ZNF385D: variants seen among roughly 807,000 people sequenced by gnomAD.
ZNF385D encodes zinc finger protein 659.
Under a neutral mutation model 35.8 loss-of-function variants are expected in ZNF385D, and 15 were observed. The observed-to-expected ratio is 0.42, with a 90% CI of 0.28 to 0.64. The LOEUF (loss-of-function observed/expected upper bound fraction) is 0.64. Among genes scored for constraint, ZNF385D ranks in the 30% least tolerant of loss-of-function variants. ZNF385D has a pLI of 0.23. For missense variants in ZNF385D, 474 were observed against 494.6 expected, an observed-to-expected ratio of 0.96 and a Z score of 0.39; for synonymous variants, 212 against 186.8, an observed-to-expected ratio of 1.13 and a Z score of -1.10.
At chr3:21,805,847 T>G (rs952139161) in intron 3 of ZNF385D, among the ~76,000 whole-genome samples, 2 of 152,188 alleles carry the variant, frequency 1.3e-5, no homozygotes, top group Non-Finnish European at 2.9e-5. Context: ...TGGGATCTCA[T>G]AGAAAATGAA....
At chr3:21,757,389 C>T (rs12630540) in intron 3 of ZNF385D, among the ~76,000 whole-genome samples, 26,453 of 151,972 alleles carry the variant, frequency 0.17, 2,810 homozygotes, top group Non-Finnish European at 0.23. Flanking sequence ...GTGATCTGAC[C>T]ACCTTGGCCT....
intron 3 of ZNF385D, among the ~76,000 whole-genome samples, chr3:22,125,702 T>C (rs556206607): frequency 4.6e-5 from 7 of 152,236 alleles, no homozygotes; most frequent in East Asian, 3.9e-4. Flanking sequence ...TGAAATTATA[T>C]TCTTGATTTA....
chr3:22,285,445 A>T (rs1289787954), intron 2 of ZNF385D, among the ~76,000 whole-genome samples: 7 of 152,096 alleles, frequency 4.6e-5, no homozygotes, highest in Admixed American at 4.6e-4. Flanking sequence ...TGTTTTATTG[A>T]CAGGATTTTT....
chr3:21,740,078 GT>G (rs1259838307), intron 1 of ZNF385D, among the ~76,000 whole-genome samples: 1 of 152,160 alleles, frequency 6.6e-6, no homozygotes, highest in Non-Finnish European at 1.5e-5. Context: ...GAAACTTTCT[GT>G]TTTGACACGG....
At chr3:22,307,822 T>A (rs1325465469) in intron 2 of ZNF385D, among the ~76,000 whole-genome samples, 1 of 151,776 alleles carries the variant, frequency 6.6e-6, no homozygotes, top group South Asian at 2.1e-4. Context: ...ATAAGACATA[T>A]GAAGCAACAA....
At chr3:22,230,769 G>T (rs948325852) in intron 2 of ZNF385D, among the ~76,000 whole-genome samples, 1 of 152,140 alleles carries the variant, frequency 6.6e-6, no homozygotes, top group African/African-American at 2.4e-5. Context: ...AGAGGAGTTT[G>T]TTAAGCTGAC....
At chr3:21,546,161 T>C (rs968526359) in intron 3 of ZNF385D, among the ~76,000 whole-genome samples, 18 of 152,232 alleles carry the variant, frequency 1.2e-4, no homozygotes, top group Admixed American at 1.1e-3. Context: ...TTGAAACTCA[T>C]TAGTTGTTTT....
At chr3:21,840,802 T>G (rs925129612) in intron 3 of ZNF385D, among the ~76,000 whole-genome samples, 3 of 148,368 alleles carry the variant, frequency 2.0e-5, no homozygotes, top group Non-Finnish European at 2.9e-5. Flanking sequence ...ATTACCCCCT[T>G]ATGTCAATCA....
chr3:21,574,331 A>T (rs557755364), intron 2 of ZNF385D, among the ~76,000 whole-genome samples: 2 of 152,176 alleles, frequency 1.3e-5, no homozygotes, highest in East Asian at 3.9e-4. Flanking sequence ...TCCTAACTGA[A>T]AAAACTACAA....
intron 3 of ZNF385D, among the ~76,000 whole-genome samples, chr3:21,512,019 C>CA (rs1707251073): frequency 6.6e-6 from 1 of 151,192 alleles, no homozygotes; most frequent in African/African-American, 2.4e-5. Context: ...TGGTGGCACA[C>CA]ACCTATAGTC....
intron 3 of ZNF385D, among the ~76,000 whole-genome samples, chr3:21,784,295 T>A (rs1161615479): frequency 6.6e-6 from 1 of 152,198 alleles, no homozygotes; most frequent in African/African-American, 2.4e-5. Context: ...CAGCTCTCAA[T>A]GTGGGCCACT....
At chr3:22,337,444 G>A (rs976740582) in intron 2 of ZNF385D, among the ~76,000 whole-genome samples, 1 of 152,184 alleles carries the variant, frequency 6.6e-6, no homozygotes, top group East Asian at 1.9e-4. Context: ...AGAGGAGGGA[G>A]AATCACCTGA....
chr3:21,817,386 G>A (rs2073198446), intron 3 of ZNF385D, among the ~76,000 whole-genome samples: 1 of 152,094 alleles, frequency 6.6e-6, no homozygotes, highest in South Asian at 2.1e-4. Flanking sequence ...TACCATCAGA[G>A]TGAACAGGCA....
At chr3:21,838,818 GTGTCT>G (rs1695489119) in intron 3 of ZNF385D, among the ~76,000 whole-genome samples, 1 of 151,906 alleles carries the variant, frequency 6.6e-6, no homozygotes, top group African/African-American at 2.4e-5. Context: ...ATTTTAATAG[GTGTCT>G]TGATTTCAGA....
intron 2 of ZNF385D, among the ~76,000 whole-genome samples, chr3:22,269,883 T>C (rs1316284680): frequency 6.6e-6 from 1 of 151,872 alleles, no homozygotes; most frequent in African/African-American, 2.4e-5. Context: ...CCTTGTATTG[T>C]CTCCTTAAGA....
At chr3:22,282,453 G>T (rs1044823640) in intron 2 of ZNF385D, among the ~76,000 whole-genome samples, 2 of 151,982 alleles carry the variant, frequency 1.3e-5, no homozygotes, top group Non-Finnish European at 2.9e-5. Flanking sequence ...TTAGTTCAAA[G>T]AATTTTTAAA....
chr3:22,288,864 A>C (rs1029588370), intron 2 of ZNF385D, among the ~76,000 whole-genome samples: 17 of 152,158 alleles, frequency 1.1e-4, no homozygotes, highest in Non-Finnish European at 2.2e-4. Flanking sequence ...GTAAAAGAAG[A>C]ACCTCACCAA....
At chr3:21,972,364 A>G (rs1703310507) in intron 3 of ZNF385D, among the ~76,000 whole-genome samples, 1 of 152,018 alleles carries the variant, frequency 6.6e-6, no homozygotes, top group African/African-American at 2.4e-5. Context: ...TAAGAAGAAA[A>G]TGTAACAAGT....
intron 3 of ZNF385D, among the ~76,000 whole-genome samples, chr3:21,979,427 A>T (rs1323992917): frequency 2.6e-5 from 4 of 152,184 alleles, no homozygotes; most frequent in Non-Finnish European, 5.9e-5. Context: ...CCAATATTTG[A>T]CAGCTAGTTA....
Sources: allele counts gnomAD v4.1 joint callset (sites outside exome capture counted in the v4.1 genomes callset), GRCh38; gene constraint gnomAD v4.1.1; transcripts MANE v1.5; gene names NCBI Gene and HGNC (gene_info 2026-07-23, HGNC 2026-07-21).